EBAG9: variants seen among roughly 807,000 people sequenced by gnomAD.
The protein encoded by EBAG9 is receptor-binding cancer antigen expressed on SiSo cells.
EBAG9 carries 16 observed loss-of-function variants against 30.9 expected under a neutral mutation model. That is an observed-to-expected ratio of 0.52 (90% CI 0.35 to 0.79). The LOEUF is 0.79. EBAG9 is among the 30% of genes least tolerant of loss of function. The pLI, the probability that EBAG9 is intolerant of heterozygous loss-of-function variation, is 0.01. For missense variants in EBAG9, 197 were observed against 242.1 expected (o/e 0.81, Z 1.24); for synonymous variants, 93 against 82.8 (o/e 1.12, Z -0.67).
rs1821785947 is a variant in EBAG9 at position 109,564,730 on chromosome 8, T to C, written c.*171T>C. On this transcript the variant is annotated 3_prime_UTR_variant, in exon 7 of 7. Transcript: ENST00000337573. ...CCAAAGTACCTTGAACTCTTAGTGA[T>C]TGAGACTCAAAAAAACAAAAAAGAC... 5.6e-6 allele frequency: 5 copies of C among 891,524 alleles called. No homozygotes were observed. Among genetic ancestry groups the C allele is most frequent in the South Asian group, 2.3e-5 (1 of 42,850 alleles). 55.2% of individuals were successfully genotyped at this position (891,524 alleles called of 1,614,324 possible). A position where few individuals can be genotyped will look rare whatever the true frequency, so the allele number is the denominator to read the frequency against.
intron 6 of EBAG9, among the ~76,000 whole-genome samples, chr8:109,563,739 C>T (rs910808315): frequency 7.2e-5 from 11 of 151,972 alleles, no homozygotes; most frequent in African/African-American, 2.2e-4. Context: ...CCTCTCCCTC[C>T]GTCTAACCTC....
intron 1 of EBAG9, among the ~76,000 whole-genome samples, chr8:109,542,632 CTT>C (rs1821299171): frequency 6.6e-6 from 1 of 151,958 alleles, no homozygotes; most frequent in South Asian, 2.1e-4. Flanking sequence ...AGAAAGTTTT[CTT>C]TTGATTGAGA....
intron 2 of EBAG9, 86 bp from the exon 3 acceptor site, chr8:109,553,779 T>C: frequency 1.0e-6 from 1 of 967,152 alleles, no homozygotes; most frequent in Non-Finnish European, 1.5e-6. Context: ...TCTTGTTTTA[T>C]AAGCCTTCAA....
At chr8:109,559,153 G>T (rs753150509) in intron 5 of EBAG9, among the ~76,000 whole-genome samples, 1 of 152,112 alleles carries the variant, frequency 6.6e-6, no homozygotes, top group Non-Finnish European at 1.5e-5. Flanking sequence ...AGAAAAGCTT[G>T]ATCTTATTAG....
chr8:109,551,500 G>C (rs1225652039), intron 2 of EBAG9, among the ~76,000 whole-genome samples: 1 of 151,980 alleles, frequency 6.6e-6, no homozygotes, highest in African/African-American at 2.4e-5. Context: ...GGCACCTCAG[G>C]GCTTTACATG....
chr8:109,557,418 A>G (rs116717595), intron 5 of EBAG9, among the ~76,000 whole-genome samples: 2,205 of 152,284 alleles, frequency 0.014, 60 homozygotes, highest in African/African-American at 0.051. Context: ...ACTTAATTTT[A>G]AACGGTTTGA....
In EBAG9 at chr8:109,564,697, C is replaced by T. The variant is rs1563659194; in HGVS notation, c.*138C>T. The T allele has an allele frequency of 4.9e-6, 6 of 1,224,574 alleles. No homozygotes were observed. The highest frequency in any genetic ancestry group is 2.3e-4 in the Middle Eastern group (1 of 4,418). The allele number at this position is 1,224,574 out of a possible 1,614,324, so 75.9% of individuals were successfully genotyped here. A position where few individuals can be genotyped will look rare whatever the true frequency, so the allele number is the denominator to read the frequency against. ...ATTGATCAGGCCATCCAGGACACCA[C>T]GATTCTCCCAAAGTACCTTGAACTC... On this transcript the variant is annotated 3_prime_UTR_variant, in exon 7 of 7. Transcript: ENST00000337573.
intron 5 of EBAG9, 70 bp downstream of exon 5, chr8:109,557,112 A>G: frequency 1.0e-6 from 1 of 981,236 alleles, no homozygotes; most frequent in East Asian, 2.7e-5. Context: ...GAGGAATAAA[A>G]TCTAAATGAG....
chr8:109,556,333 G>A (rs1292286287), intron 4 of EBAG9, among the ~76,000 whole-genome samples: 2 of 151,968 alleles, frequency 1.3e-5, no homozygotes, highest in African/African-American at 4.8e-5. Flanking sequence ...TTGTTGTTGA[G>A]TTGTCCAAAT....
Position 109,554,783 on chromosome 8 carries a change from A to T in EBAG9, c.217A>T (p.Ile73Phe), listed in dbSNP as rs1179733588. The change falls in exon 4 of 7, where the codon ATC becomes TTC. Residue 73 changes from isoleucine (I) to phenylalanine (F), a missense_variant. By Grantham distance (21) the Ile-to-Phe change is conservative. Coordinates refer to ENST00000337573, the MANE Select transcript of EBAG9 (RefSeq NM_004215.5). ...WDEDAPTSVKIEGGNGNVATQ... is the reference protein window; with the variant it reads ...WDEDAPTSVKFEGGNGNVATQ... ...TGAAGATGCACCCACCAGTGTAAAG[A>T]TCGAAGGAGGGAATGGGAATGTGGC... 1 of 1,613,758 alleles carries T rather than the reference A, an allele frequency of 6.2e-7. No individual in the cohort carries two copies.
chr8:109,545,626 G>A (rs1304675537), intron 1 of EBAG9, among the ~76,000 whole-genome samples: 2 of 152,086 alleles, frequency 1.3e-5, no homozygotes, highest in East Asian at 3.9e-4. Flanking sequence ...GCCTCCCAAA[G>A]CGCTGGGACT....
At position 109,551,338 on chromosome 8, in the gene EBAG9, AT is replaced by A. The variant is rs201593273; in HGVS notation, c.83+440del. ...CTAAGAAAAATCCTAAAAAAAAAAA[AT>A]TTTTTTTTCTGTTTGAGTAACATTC... On this transcript the variant is annotated intron_variant, in intron 2 of 6. Coordinates refer to ENST00000337573, the MANE Select transcript of EBAG9 (RefSeq NM_004215.5). Among the ~76,000 whole-genome samples the A allele has an allele frequency of 7.8e-3, 1,174 of 151,376 alleles. 5 individuals are homozygous for A. Among genetic ancestry groups the A allele is most frequent in the Middle Eastern group, 0.014 (4 of 294 alleles).
At chr8:109,562,850 T>G (rs937067613) in intron 6 of EBAG9, among the ~76,000 whole-genome samples, 2 of 152,030 alleles carry the variant, frequency 1.3e-5, no homozygotes, top group African/African-American at 2.4e-5. Context: ...GAATTTCCTT[T>G]GAGCATCAGG....
intron 6 of EBAG9, among the ~76,000 whole-genome samples, chr8:109,562,402 G>A (rs978441540): frequency 1.3e-4 from 20 of 152,072 alleles, no homozygotes; most frequent in Non-Finnish European, 2.8e-4. Context: ...ATCCGTAATA[G>A]ACATGCTTCA....
At chr8:109,561,804 C>T (rs1265578302) in intron 6 of EBAG9, among the ~76,000 whole-genome samples, 1 of 151,032 alleles carries the variant, frequency 6.6e-6, no homozygotes, top group Non-Finnish European at 1.5e-5. Flanking sequence ...ATTACAGTTA[C>T]TGTGAACAAC....
At chr8:109,543,513 G>A (rs1452435886) in intron 1 of EBAG9, among the ~76,000 whole-genome samples, 5 of 151,968 alleles carry the variant, frequency 3.3e-5, no homozygotes, top group African/African-American at 9.7e-5. Flanking sequence ...TGGAACTTTC[G>A]TATTGAGGTA....
chr8:109,549,079 A>T (rs1159103329), intron 1 of EBAG9, among the ~76,000 whole-genome samples: 11 of 150,892 alleles, frequency 7.3e-5, no homozygotes, highest in Non-Finnish European at 1.3e-4. Flanking sequence ...AAGTTCCCTT[A>T]TACTTTGCTG....
At chr8:109,547,087 T>G (rs1270632703) in intron 1 of EBAG9, among the ~76,000 whole-genome samples, 1 of 152,104 alleles carries the variant, frequency 6.6e-6, no homozygotes, top group Non-Finnish European at 1.5e-5. Context: ...GTGCAGTAGC[T>G]CAATCTCAGC....
chr8:109,545,899 T>G (rs529874282), intron 1 of EBAG9, among the ~76,000 whole-genome samples: 26 of 152,228 alleles, frequency 1.7e-4, no homozygotes, highest in Non-Finnish European at 3.5e-4. Context: ...GTGCCTTAGT[T>G]TTCTTATCTG....
Sources: gnomAD v4.1 joint callset for allele counts (sites outside exome capture counted in the v4.1 genomes callset) on GRCh38, gnomAD v4.1.1 for gene constraint, MANE v1.5 for transcripts, NCBI Gene and HGNC (gene_info 2026-07-23, HGNC 2026-07-21) for gene names.